Variants in ADK observed in about 807,000 individuals in gnomAD.
The protein encoded by ADK is adenosine kinase.
ADK carries 24 observed loss-of-function variants against 44.7 expected under a neutral mutation model. The observed-to-expected ratio is 0.54, with a 90% CI of 0.39 to 0.76. ADK has a LOEUF of 0.76. Among genes scored for constraint, ADK ranks in the 30% least tolerant of loss-of-function variants. The pLI is 0.00. For missense variants in ADK, 321 were observed against 425.1 expected, an observed-to-expected ratio of 0.76 and a Z score of 2.15; for synonymous variants, 128 against 142.6, an observed-to-expected ratio of 0.90 and a Z score of 0.73.
At chr10:74,481,085 C>T (rs774450317) in intron 6 of ADK, among the ~76,000 whole-genome samples, 6 of 152,004 alleles carry the variant, frequency 3.9e-5, no homozygotes, top group Admixed American at 3.9e-4. Flanking sequence ...CAGCATGGTG[C>T]ACTTTGTAAT....
rs144393236 is a variant in ADK, at chr10:74,534,952, A to G, written c.726+9526A>G. 2.6e-4 allele frequency among the ~76,000 whole-genome samples: 40 copies of G among 152,324 alleles called. No homozygotes were observed. The East Asian group carries it at 6.9e-3, about 26-fold the overall frequency. On this transcript the variant is annotated intron_variant, in intron 7 of 10. Transcript: ENST00000539909. ...TCATTATTTAATTATTTAACATTAT[A>G]TATTCTGATGAAATATGAATGCAAG...
chr10:74,526,661 T>C (rs1415241320), intron 7 of ADK, among the ~76,000 whole-genome samples: 1 of 152,176 alleles, frequency 6.6e-6, no homozygotes, highest in African/African-American at 2.4e-5. Context: ...AGAAATAATA[T>C]CACAGTGTAT....
chr10:74,708,299 T>G lies in ADK; in HGVS notation c.965-22T>G, dbSNP rs746326563. On this transcript the variant is annotated intron_variant, in intron 10 of 10. Transcript: ENST00000539909. ...GCTGCTGTTATACAATACTCATGTG[T>G]TTTTTTTTGCCTGTGTTCTAGGTTT... 6.0e-5 allele frequency: 95 copies of G among 1,578,862 alleles called. 1 individual carries two copies. The highest frequency in any genetic ancestry group is 3.4e-4 in the Middle Eastern group (2 of 5,950).
intron 9 of ADK, among the ~76,000 whole-genome samples, chr10:74,645,126 T>G (rs902472508): frequency 2.0e-5 from 3 of 152,232 alleles, no homozygotes; most frequent in Non-Finnish European, 2.9e-5. Context: ...TTGCAGTTTT[T>G]CTCTTCTAAT....
intron 3 of ADK, among the ~76,000 whole-genome samples, chr10:74,296,815 C>T (rs2132500747): frequency 6.6e-6 from 1 of 151,950 alleles, no homozygotes; most frequent in South Asian, 2.1e-4. Context: ...GGGGTTTCTC[C>T]GTGTTAGCCA....
At chr10:74,274,732 G>GTATATATATATA (rs754929114) in intron 3 of ADK, among the ~76,000 whole-genome samples, 1,401 of 84,154 alleles carry the variant, frequency 0.017, 93 homozygotes, top group African/African-American at 0.045. Context: ...TTTAATGTGT[G>GTATATATATATA]TATATATATA....
intron 7 of ADK, among the ~76,000 whole-genome samples, chr10:74,573,300 G>T (rs991427257): frequency 6.6e-6 from 1 of 152,190 alleles, no homozygotes; most frequent in Non-Finnish European, 1.5e-5. Flanking sequence ...TATCAGCAGC[G>T]GTGGCTGCAG....
At chr10:74,671,588 C>T (rs753354156) in intron 10 of ADK, among the ~76,000 whole-genome samples, 6 of 152,038 alleles carry the variant, frequency 3.9e-5, no homozygotes, top group Non-Finnish European at 5.9e-5. Context: ...AGCCAATTTT[C>T]CTATTTTTTA....
intron 3 of ADK, among the ~76,000 whole-genome samples, chr10:74,231,168 T>G (rs770976745): frequency 1.1e-4 from 17 of 152,356 alleles, no homozygotes; most frequent in Admixed American, 2.0e-4. Flanking sequence ...CAAGGCACTT[T>G]ACATTCTTCT....
chr10:74,223,137 A>G (rs1307684755), intron 2 of ADK, among the ~76,000 whole-genome samples: 1 of 152,206 alleles, frequency 6.6e-6, no homozygotes, highest in Non-Finnish European at 1.5e-5. Context: ...TGAGAAGTCC[A>G]AGGTCAAAGG....
In ADK at chr10:74,378,954, A is replaced by T. The variant is rs963667067; in HGVS notation, c.274-15187A>T. ...CATCTCTAAAATAAAATAAAAATTT[A>T]AAAAATTGTTTAAAATCCTGTAGAG... On this transcript the variant is annotated intron_variant, in intron 4 of 10. Coordinates refer to ENST00000539909, the MANE Select transcript of ADK (RefSeq NM_006721.4). Among the ~76,000 whole-genome samples the T allele has an allele frequency of 6.6e-5, 10 of 152,304 alleles. No individual in the cohort carries two copies. In the South Asian group the frequency reaches 8.3e-4, roughly 13 times the overall value.
At chr10:74,541,739 G>A (rs910411772) in intron 7 of ADK, among the ~76,000 whole-genome samples, 34 of 146,098 alleles carry the variant, frequency 2.3e-4, no homozygotes, top group Non-Finnish European at 4.3e-4. Flanking sequence ...GCTGCATTGA[G>A]CCATGATTGC....
intron 3 of ADK, among the ~76,000 whole-genome samples, chr10:74,263,181 T>C (rs920800047): frequency 6.6e-6 from 1 of 152,222 alleles, no homozygotes; most frequent in Non-Finnish European, 1.5e-5. Context: ...GGAATTGAAT[T>C]TGATGTCGAA....
chr10:74,205,483 C>CT (rs1484662413), intron 2 of ADK, among the ~76,000 whole-genome samples: 3 of 151,856 alleles, frequency 2.0e-5, no homozygotes, highest in African/African-American at 7.3e-5. Flanking sequence ...TGAGACCAGC[C>CT]TGGCCAATAG....
chr10:74,432,004 C>G (rs114900628), intron 6 of ADK, among the ~76,000 whole-genome samples: 2,137 of 151,968 alleles, frequency 0.014, 62 homozygotes, highest in African/African-American at 0.046. Flanking sequence ...CGAGCCTGGT[C>G]AACATAACAA....
chr10:74,574,222 A>G (rs889827177), intron 7 of ADK, among the ~76,000 whole-genome samples: 17 of 147,450 alleles, frequency 1.2e-4, no homozygotes, highest in Non-Finnish European at 2.1e-4. Context: ...GCTGGAGTAC[A>G]GTGGTGCGAT....
At chr10:74,236,645 G>A (rs1255138399) in intron 3 of ADK, among the ~76,000 whole-genome samples, 1 of 152,106 alleles carries the variant, frequency 6.6e-6, no homozygotes, top group Non-Finnish European at 1.5e-5. Flanking sequence ...ATAGTAATCT[G>A]GTTTTCCTAT....
intron 3 of ADK, among the ~76,000 whole-genome samples, chr10:74,294,519 T>G (rs977453754): frequency 6.6e-6 from 1 of 152,202 alleles, no homozygotes; most frequent in African/African-American, 2.4e-5. Flanking sequence ...ACTCCTGACC[T>G]CAGGTGATCT....
intron 4 of ADK, among the ~76,000 whole-genome samples, chr10:74,359,973 T>A (rs1193955367): frequency 6.6e-6 from 1 of 152,146 alleles, no homozygotes; most frequent in Non-Finnish European, 1.5e-5. Flanking sequence ...TTCTACTGAC[T>A]TTTGTATGTC....
Sources: gnomAD v4.1 joint callset for allele counts (sites outside exome capture counted in the v4.1 genomes callset) on GRCh38, gnomAD v4.1.1 for gene constraint, MANE v1.5 for transcripts, NCBI Gene and HGNC (gene_info 2026-07-23, HGNC 2026-07-21) for gene names.